Variants in SMARCA5 observed in about 807,000 individuals in gnomAD.
The protein encoded by SMARCA5 is SWI/SNF-related matrix-associated actin-dependent regulator of chromatin subfamily A member 5.
A neutral mutation model predicts 140.4 loss-of-function variants in SMARCA5; 18 were observed. That is an observed-to-expected ratio of 0.13 (90% CI 0.09 to 0.19). The LOEUF is 0.19. SMARCA5 is among the 10% of genes least tolerant of loss of function. The probability of loss-of-function intolerance (pLI) is 1.00; values close to 1 mark genes in which losing one functional copy is unlikely to be tolerated. For missense variants in SMARCA5, 606 were observed against 1,276.8 expected (o/e 0.47, Z 8.01); for synonymous variants, 449 against 419.6 (o/e 1.07, Z -0.86).
chr4:143,556,527 T>A lies in SMARCA5; in HGVS notation c.*3343T>A, dbSNP rs979170552. 6.6e-6 allele frequency: 1 copy of A among 152,290 alleles called. No homozygotes were observed. The highest frequency in any genetic ancestry group is 2.1e-4 in the South Asian group (1 of 4,834). 9.4% of individuals were successfully genotyped at this position (152,290 alleles called of 1,614,324 possible). On this transcript the variant is annotated 3_prime_UTR_variant, in exon 24 of 24. Coordinates refer to ENST00000283131, the MANE Select transcript of SMARCA5 (RefSeq NM_003601.4). ...GGAGGGTAATTTAAACAAAGTAGATTAATGACACAAGGTGGATTGATGAAC... is the reference window on the plus strand; with the variant it reads ...GGAGGGTAATTTAAACAAAGTAGATAAATGACACAAGGTGGATTGATGAAC...
chr4:143,527,223 A>G (rs902624982), intron 6 of SMARCA5, among the ~76,000 whole-genome samples: 4 of 152,252 alleles, frequency 2.6e-5, no homozygotes, highest in African/African-American at 9.6e-5. Flanking sequence ...ACATTAGTAT[A>G]TAAAGCTCAG....
chr4:143,513,946 C>T lies in SMARCA5; in HGVS notation c.22C>T (p.Pro8Ser). 1 of 1,547,958 alleles carries T rather than the reference C, an allele frequency of 6.5e-7. No individual in the cohort carries two copies. The highest frequency in any genetic ancestry group is 1.7e-4 in the Middle Eastern group (1 of 5,868). Residue 8 changes from proline (P) to serine (S), a missense_variant, in exon 1 of 24, where the codon CCG becomes TCG. Pro to Ser is a moderately conservative substitution (Grantham distance 74). Coordinates refer to ENST00000283131, the MANE Select transcript of SMARCA5 (RefSeq NM_003601.4). ...CATCATGTCGTCCGCGGCCGAGCCT[C>T]CGCCACCCCCGCCTCCCGAGAGCGC... is the stretch of plus-strand genomic sequence containing the variant. MSSAAEP[P>S]PPPPPESAPS...
chr4:143,547,905 A>G (rs1737565052), intron 21 of SMARCA5, 23 bp from the exon 22 acceptor site: 2 of 1,302,132 alleles, frequency 1.5e-6, no homozygotes, highest in Non-Finnish European at 1.1e-6. Context: ...TATTTTATAT[A>G]ATATAAAATC....
chr4:143,539,011 A>G (rs917916217), intron 13 of SMARCA5, 73 bp downstream of exon 13: 46 of 1,293,782 alleles, frequency 3.6e-5, no homozygotes, highest in Non-Finnish European at 4.8e-5. Flanking sequence ...TTCTACAAAT[A>G]TCAGTGACTT....
chr4:143,529,607 G>GT (rs937861642), intron 8 of SMARCA5, among the ~76,000 whole-genome samples: 10 of 151,870 alleles, frequency 6.6e-5, no homozygotes, highest in Admixed American at 2.6e-4. Flanking sequence ...AGAAATTGCA[G>GT]TTTTTTTTGC....
At chr4:143,521,893 C>CAAAAAAAAAAAAA (rs58679947) in intron 3 of SMARCA5, among the ~76,000 whole-genome samples, 2 of 44,806 alleles carry the variant, frequency 4.5e-5, no homozygotes, top group African/African-American at 1.7e-4. Context: ...CCCATCTCTA[C>CAAAAAAAAAAAAA]AAAAAAAAAA....
chr4:143,517,928 A>G (rs1736873856), intron 2 of SMARCA5, among the ~76,000 whole-genome samples: 1 of 152,202 alleles, frequency 6.6e-6, no homozygotes. Flanking sequence ...TCCATATCTT[A>G]TGTGTCTATG....
intron 14 of SMARCA5, among the ~76,000 whole-genome samples, chr4:143,541,312 T>C (rs1737421640): frequency 6.6e-6 from 1 of 152,216 alleles, no homozygotes; most frequent in East Asian, 1.9e-4. Context: ...TTACTATCTG[T>C]CTATAAAGCT....
At chr4:143,540,317 A>T in intron 13 of SMARCA5, 46 bp from the exon 14 acceptor site, 1 of 1,501,058 alleles carries the variant, frequency 6.7e-7, no homozygotes, top group Non-Finnish European at 9.0e-7. Context: ...AGTGTTATTT[A>T]TGTGACTTTT....
At chr4:143,542,121 A>G (rs1737440632) in intron 14 of SMARCA5, among the ~76,000 whole-genome samples, 1 of 152,126 alleles carries the variant, frequency 6.6e-6, no homozygotes, top group African/African-American at 2.4e-5. Context: ...CAGCCTCCCA[A>G]AGTGCTGGAT....
chr4:143,539,212 T>C (rs1267099024), intron 13 of SMARCA5, among the ~76,000 whole-genome samples: 1 of 151,486 alleles, frequency 6.6e-6, no homozygotes, highest in Non-Finnish European at 1.5e-5. Flanking sequence ...CAGGAAATTC[T>C]TTATGGGTCA....
At chr4:143,520,871 A>G (rs1197558922) in intron 2 of SMARCA5, among the ~76,000 whole-genome samples, 3 of 152,172 alleles carry the variant, frequency 2.0e-5, no homozygotes, top group Non-Finnish European at 2.9e-5. Context: ...CAGATGGCAG[A>G]TACGAAAGGA....
At chr4:143,544,663 A>G in intron 16 of SMARCA5, 74 bp from the exon 17 acceptor site, 2 of 849,698 alleles carry the variant, frequency 2.4e-6, no homozygotes, top group Non-Finnish European at 3.9e-6. Flanking sequence ...TACATTTACA[A>G]ACATCCTTCT....
Position 143,554,935 on chromosome 4 carries a change from G to C in SMARCA5, c.*1751G>C. 2.6e-6 allele frequency: 1 copy of C among 381,680 alleles called. No individual in the cohort carries two copies. The highest frequency in any genetic ancestry group is 6.7e-5 in the East Asian group (1 of 15,010). The allele number at this position is 381,680 out of a possible 1,614,324, so 23.6% of individuals were successfully genotyped here. On this transcript the variant is annotated 3_prime_UTR_variant, in exon 24 of 24. Transcript: ENST00000283131. ...GGGACTCAAATGGAAACTGTGTGAA[G>C]GGAAACTCACTTGAAAAAAAAGCAT...
At chr4:143,548,777 C>A (rs1578806029) in intron 22 of SMARCA5, among the ~76,000 whole-genome samples, 1 of 151,956 alleles carries the variant, frequency 6.6e-6, no homozygotes, top group Non-Finnish European at 1.5e-5. Context: ...GTTCTTTAGT[C>A]TTAAGTTTGG....
intron 15 of SMARCA5, 95 bp downstream of exon 15, chr4:143,543,752 T>G: frequency 6.6e-7 from 1 of 1,514,194 alleles, no homozygotes; most frequent in South Asian, 1.2e-5. Context: ...TTTTATTTCC[T>G]TAAAGAGAAG....
In SMARCA5 at chr4:143,555,629, C is replaced by G; in HGVS notation, c.*2445C>G. 3.6e-6 allele frequency: 1 copy of G among 279,034 alleles called. No individual in the cohort carries two copies. The highest frequency in any genetic ancestry group is 3.7e-5 in the South Asian group (1 of 27,130). The allele number at this position is 279,034 out of a possible 1,614,324, so 17.3% of individuals were successfully genotyped here. A position where few individuals can be genotyped will look rare whatever the true frequency, so the allele number is the denominator to read the frequency against. On this transcript the variant is annotated 3_prime_UTR_variant, in exon 24 of 24. Transcript: ENST00000283131. ...GCTTAATTGTACATCTGACAAAGTGCTGGAGGCTATTATAAAGTGTAATTA... is the reference window on the plus strand; with the variant it reads ...GCTTAATTGTACATCTGACAAAGTGGTGGAGGCTATTATAAAGTGTAATTA...
At chr4:143,550,671 A>G (rs1387692336) in intron 23 of SMARCA5, among the ~76,000 whole-genome samples, 2 of 152,022 alleles carry the variant, frequency 1.3e-5, no homozygotes, top group Non-Finnish European at 2.9e-5. Context: ...CCCACAAATA[A>G]GTGAGAACAT....
At chr4:143,525,794 G>A (rs1474376584) in intron 5 of SMARCA5, among the ~76,000 whole-genome samples, 1 of 152,274 alleles carries the variant, frequency 6.6e-6, no homozygotes, top group South Asian at 2.1e-4. Context: ...GACTTTTATA[G>A]TACAATGATT....
Sources: gnomAD v4.1 joint callset for allele counts (sites outside exome capture counted in the v4.1 genomes callset) on GRCh38, gnomAD v4.1.1 for gene constraint, MANE v1.5 for transcripts, NCBI Gene and HGNC (gene_info 2026-07-23, HGNC 2026-07-21) for gene names.